The following VAMP4 variants were observed in gnomAD, a reference collection of about 807,000 sequenced individuals.
VAMP4 encodes the protein vesicle-associated membrane protein 4.
Under a neutral mutation model 23.5 loss-of-function variants are expected in VAMP4, and 19 were observed. The observed-to-expected ratio is 0.81, with a 90% CI of 0.56 to 1.19. The LOEUF is 1.19. Ranked by LOEUF, VAMP4 falls within the 50% of genes most tolerant of loss-of-function variation. VAMP4 has a pLI of 0.00. For missense variants in VAMP4, 145 were observed against 168.6 expected (o/e 0.86, Z 0.78); for synonymous variants, 31 against 51.0 (o/e 0.61, Z 1.67).
At chr1:171,736,252 G>C (rs972792945) in intron 2 of VAMP4, among the ~76,000 whole-genome samples, 2 of 152,106 alleles carry the variant, frequency 1.3e-5, no homozygotes, top group Non-Finnish European at 2.9e-5. Context: ...CAAATTTTCT[G>C]AATCACTTTT....
At chr1:171,706,101 C>A (rs532787159) in intron 7 of VAMP4, among the ~76,000 whole-genome samples, 6 of 152,024 alleles carry the variant, frequency 3.9e-5, no homozygotes, top group African/African-American at 1.4e-4. Flanking sequence ...GGGTTGGGGG[C>A]AGAACAGGAG....
At chr1:171,706,276 GACA>G in intron 7 of VAMP4, 88 bp downstream of exon 7, 2 of 1,228,404 alleles carry the variant, frequency 1.6e-6, no homozygotes, top group Non-Finnish European at 1.2e-6. Flanking sequence ...CCTGACTTCA[GACA>G]TACTAGGTCA....
intron 2 of VAMP4, among the ~76,000 whole-genome samples, chr1:171,735,378 A>T (rs1430223506): frequency 6.6e-6 from 1 of 152,244 alleles, no homozygotes; most frequent in Non-Finnish European, 1.5e-5. Flanking sequence ...TCTGCTTTAC[A>T]TACATTTTTC....
At chr1:171,719,652 G>A (rs1204000499) in intron 3 of VAMP4, among the ~76,000 whole-genome samples, 2 of 151,962 alleles carry the variant, frequency 1.3e-5, no homozygotes, top group African/African-American at 4.8e-5. Context: ...AAACTACAAA[G>A]TGAACTGCCG....
intron 2 of VAMP4, among the ~76,000 whole-genome samples, chr1:171,734,335 A>G (rs1655667982): frequency 6.6e-6 from 1 of 151,890 alleles, no homozygotes; most frequent in Admixed American, 6.6e-5. Context: ...TAAAAACATT[A>G]TGCTAAGTCA....
chr1:171,710,614 C>A, intron 5 of VAMP4, 100 bp downstream of exon 5: 4 of 869,014 alleles, frequency 4.6e-6, no homozygotes, highest in Admixed American at 2.6e-5. Context: ...AACCAAATGC[C>A]AATTTCCTAA....
chr1:171,739,163 T>G (rs914666691), intron 1 of VAMP4, among the ~76,000 whole-genome samples: 1 of 152,208 alleles, frequency 6.6e-6, no homozygotes, highest in Non-Finnish European at 1.5e-5. Flanking sequence ...CAGAAAAACC[T>G]AGGCATGATT....
intron 4 of VAMP4, 136 bp from the exon 5 acceptor site, chr1:171,710,950 T>C: frequency 1.7e-6 from 1 of 603,546 alleles, no homozygotes; most frequent in Non-Finnish European, 2.8e-6. Context: ...TTTAAGACTT[T>C]GTAGCAATGT....
intron 7 of VAMP4, 97 bp downstream of exon 7, chr1:171,706,270 A>C: frequency 8.6e-7 from 1 of 1,156,176 alleles, no homozygotes; most frequent in Non-Finnish European, 1.2e-6. Flanking sequence ...TTCAATCCTG[A>C]CTTCAGACAT....
At chr1:171,722,935 C>T (rs974780616) in intron 3 of VAMP4, among the ~76,000 whole-genome samples, 3 of 151,992 alleles carry the variant, frequency 2.0e-5, no homozygotes, top group African/African-American at 7.2e-5. Context: ...ATCAAGGGAA[C>T]CACCCCCGAT....
At chr1:171,732,677 C>G (rs1655602751) in intron 2 of VAMP4, among the ~76,000 whole-genome samples, 1 of 152,104 alleles carries the variant, frequency 6.6e-6, no homozygotes, top group South Asian at 2.1e-4. Context: ...CACAGCAGTA[C>G]TTAAAGGAAA....
At chr1:171,714,534 G>A (rs576995760) in intron 4 of VAMP4, among the ~76,000 whole-genome samples, 1 of 152,362 alleles carries the variant, frequency 6.6e-6, no homozygotes, top group African/African-American at 2.4e-5. Flanking sequence ...CACTTTGGGA[G>A]GCTGAGGCAG....
intron 2 of VAMP4, among the ~76,000 whole-genome samples, chr1:171,731,975 T>TAA (rs1055789356): frequency 1.3e-5 from 2 of 152,170 alleles, no homozygotes; most frequent in Non-Finnish European, 2.9e-5. Flanking sequence ...TAATATAGCT[T>TAA]AAAGTATCTT....
chr1:171,730,357 C>T (rs1655522628), intron 2 of VAMP4, among the ~76,000 whole-genome samples: 1 of 152,078 alleles, frequency 6.6e-6, no homozygotes, highest in African/African-American at 2.4e-5. Flanking sequence ...GAATCTAATA[C>T]AATGTGTGGT....
chr1:171,731,896 T>C (rs548899337), intron 2 of VAMP4, among the ~76,000 whole-genome samples: 4 of 152,136 alleles, frequency 2.6e-5, no homozygotes, highest in Non-Finnish European at 5.9e-5. Context: ...TCAAATAAGA[T>C]GATTTTACAA....
At chr1:171,741,719 CT>C (rs944207289) in intron 1 of VAMP4, among the ~76,000 whole-genome samples, 190 bp downstream of exon 1, 1 of 152,144 alleles carries the variant, frequency 6.6e-6, no homozygotes, top group Admixed American at 6.5e-5. Flanking sequence ...CCGCATACCC[CT>C]GTCCTCGTCT....
intron 2 of VAMP4, among the ~76,000 whole-genome samples, chr1:171,737,876 C>T (rs1655792853): frequency 1.3e-5 from 2 of 152,224 alleles, no homozygotes; most frequent in Non-Finnish European, 2.9e-5. Context: ...ATTCAGTTGT[C>T]ACCAATCTAA....
chr1:171,739,960 T>C (rs759199225), intron 1 of VAMP4, among the ~76,000 whole-genome samples: 1 of 152,240 alleles, frequency 6.6e-6, no homozygotes, highest in Non-Finnish European at 1.5e-5. Context: ...TTCAGTATTT[T>C]TGACTAGATG....
chr1:171,721,938 C>T (rs1377821653), intron 3 of VAMP4, among the ~76,000 whole-genome samples: 1 of 152,144 alleles, frequency 6.6e-6, no homozygotes, highest in Non-Finnish European at 1.5e-5. Context: ...AAAGAGCCCA[C>T]ATTGCCAAGA....
Sources: gnomAD v4.1 joint callset for allele counts (sites outside exome capture counted in the v4.1 genomes callset) on GRCh38, gnomAD v4.1.1 for gene constraint, MANE v1.5 for transcripts, NCBI Gene and HGNC (gene_info 2026-07-23, HGNC 2026-07-21) for gene names.